Variants in CUX2 observed in about 807,000 individuals in gnomAD.
The protein encoded by CUX2 is cut like homeobox 2.
A neutral mutation model predicts 144.8 loss-of-function variants in CUX2; 40 were observed. The ratio of observed to expected loss-of-function variants is 0.28; its 90% CI spans 0.21 to 0.36. The LOEUF is 0.36. CUX2 is among the 10% of genes least tolerant of loss of function. The pLI is 1.00. For missense variants in CUX2, 1,615 were observed against 1,994.0 expected (o/e 0.81, Z 3.62); for synonymous variants, 827 against 875.6 (o/e 0.94, Z 0.98).
At chr12:111,291,276 G>T in intron 4 of CUX2, 142 bp from the exon 5 acceptor site, 1 of 1,013,400 alleles carries the variant, frequency 9.9e-7, no homozygotes. Context: ...CTCCCTCGTA[G>T]AGCAGAAAGT....
intron 3 of CUX2, among the ~76,000 whole-genome samples, chr12:111,221,986 A>G (rs1881882894): frequency 6.6e-6 from 1 of 152,224 alleles, no homozygotes; most frequent in African/African-American, 2.4e-5. Flanking sequence ...CAAAGTTTGA[A>G]TATCCTTGCG....
At chr12:111,152,156 TGCC>T (rs897310632) in intron 1 of CUX2, among the ~76,000 whole-genome samples, 5 of 152,064 alleles carry the variant, frequency 3.3e-5, no homozygotes, top group African/African-American at 9.7e-5. Context: ...TGGTAGCACA[TGCC>T]TGTAGTTCCA....
intron 1 of CUX2, among the ~76,000 whole-genome samples, chr12:111,062,919 A>G (rs1212776397): frequency 6.6e-6 from 1 of 152,092 alleles, no homozygotes; most frequent in Non-Finnish European, 1.5e-5. Flanking sequence ...GTGCAGGGTG[A>G]AGGGCAGATA....
intron 9 of CUX2, among the ~76,000 whole-genome samples, chr12:111,301,959 C>T (rs1332017980): frequency 6.6e-6 from 1 of 152,190 alleles, no homozygotes; most frequent in Admixed American, 6.5e-5. Context: ...TCCTTTAGTC[C>T]AGATCTCAGC....
At chr12:111,143,734 CG>C (rs149557668) in intron 1 of CUX2, among the ~76,000 whole-genome samples, 3,166 of 152,342 alleles carry the variant, frequency 0.021, 99 homozygotes, top group African/African-American at 0.071. Flanking sequence ...CATCAATGTG[CG>C]TCCCTGTGCT....
intron 1 of CUX2, among the ~76,000 whole-genome samples, chr12:111,128,910 TTC>T (rs2136106673): frequency 6.6e-6 from 1 of 152,332 alleles, no homozygotes; most frequent in African/African-American, 2.4e-5. Flanking sequence ...TTGCAGAGCC[TTC>T]TCCTGTTCTG....
intron 18 of CUX2, among the ~76,000 whole-genome samples, chr12:111,324,469 G>A (rs1164858996): frequency 6.6e-6 from 1 of 151,818 alleles, no homozygotes; most frequent in African/African-American, 2.4e-5. Flanking sequence ...ACTTTGCTCT[G>A]CTCCTTTCCT....
rs1883779005 is a variant in CUX2, at chr12:111,255,622, C to T, written c.223-8139C>T. On this transcript the variant is annotated intron_variant, in intron 3 of 21. Transcript: ENST00000261726. This position sits in a 1 kb window ranked among gnomAD's most constrained non-coding sequence, Gnocchi z 4.1. ...GTCAGACTAAGCTGCCTCTGAGTCT[C>T]AGCTCCCAGCACCATGTGGCCATCA... 6.6e-6 allele frequency among the ~76,000 whole-genome samples: 1 copy of T among 152,210 alleles called. No individual in the cohort carries two copies. The highest frequency in any genetic ancestry group is 2.4e-5 in the African/African-American group (1 of 41,450).
intron 1 of CUX2, among the ~76,000 whole-genome samples, chr12:111,079,632 C>A (rs894986034): frequency 1.3e-5 from 2 of 152,206 alleles, no homozygotes; most frequent in Admixed American, 1.3e-4. Context: ...TCTCATTCCC[C>A]CATGCTCTGC....
Position 111,121,719 on chromosome 12 carries a change from C to T in CUX2, c.63+87479C>T, listed in dbSNP as rs147984311. 1.6e-3 allele frequency among the ~76,000 whole-genome samples: 246 copies of T among 152,022 alleles called. 1 individual carries two copies. The highest frequency in any genetic ancestry group is 4.8e-3 in the South Asian group (23 of 4,818). On this transcript the variant is annotated intron_variant, in intron 1 of 21. Transcript: ENST00000261726. Reference sequence around the variant, plus strand: ...CCAGTAATTGGACTTTTAAGAAAAACAGGATTTTAAGATAATTTTTCCCCC... The same window carrying T: ...CCAGTAATTGGACTTTTAAGAAAAATAGGATTTTAAGATAATTTTTCCCCC...
chr12:111,321,170 A>G (rs946611446), intron 17 of CUX2, among the ~76,000 whole-genome samples: 2 of 151,948 alleles, frequency 1.3e-5, no homozygotes, highest in African/African-American at 2.4e-5. Context: ...CGTCTCTACT[A>G]AAAAATACAA....
chr12:111,123,297 C>T (rs1377567555), intron 1 of CUX2, among the ~76,000 whole-genome samples: 1 of 152,196 alleles, frequency 6.6e-6, no homozygotes, highest in African/African-American at 2.4e-5. Context: ...ATTTTCGTGC[C>T]TCAGCCTCCC....
At chr12:111,282,625 TAA>T (rs3061123) in intron 4 of CUX2, among the ~76,000 whole-genome samples, 31,424 of 104,494 alleles carry the variant, frequency 0.3, 4,749 homozygotes, top group East Asian at 0.62. Flanking sequence ...AAACTCCATC[TAA>T]AAAAAAAAAA....
At chr12:111,198,763 AG>A (rs1188750015) in intron 1 of CUX2, among the ~76,000 whole-genome samples, 2 of 152,222 alleles carry the variant, frequency 1.3e-5, no homozygotes, top group Non-Finnish European at 2.9e-5. Context: ...GAGGGATTGC[AG>A]GCTGCAGGTA....
chr12:111,114,786 G>T (rs1323365917), intron 1 of CUX2, among the ~76,000 whole-genome samples: 1 of 152,192 alleles, frequency 6.6e-6, no homozygotes, highest in Non-Finnish European at 1.5e-5. Flanking sequence ...AAGTGCTGTT[G>T]CTTTAGCATT....
At chr12:111,080,330 A>G (rs1293241903) in intron 1 of CUX2, among the ~76,000 whole-genome samples, 1 of 152,064 alleles carries the variant, frequency 6.6e-6, no homozygotes, top group Non-Finnish European at 1.5e-5. Context: ...ATGATTGAAC[A>G]TTTATATTTC....
chr12:111,119,704 A>T (rs565335921), intron 1 of CUX2, among the ~76,000 whole-genome samples: 1 of 152,350 alleles, frequency 6.6e-6, no homozygotes, highest in Admixed American at 6.5e-5. Flanking sequence ...GGTCTCATGT[A>T]ACAACAAAAA....
intron 1 of CUX2, among the ~76,000 whole-genome samples, chr12:111,043,103 A>G (rs561544453): frequency 2.8e-4 from 42 of 152,368 alleles, no homozygotes; most frequent in African/African-American, 8.7e-4. Flanking sequence ...AAACAAATAC[A>G]ATAACTAATA....
At chr12:111,126,110 C>CTT (rs869221391) in intron 1 of CUX2, among the ~76,000 whole-genome samples, 4 of 131,652 alleles carry the variant, frequency 3.0e-5, no homozygotes, top group Non-Finnish European at 3.3e-5. Flanking sequence ...GTCCCGAGGT[C>CTT]TTTTTTTTTT....
Sources: gnomAD v4.1 joint callset for allele counts (sites outside exome capture counted in the v4.1 genomes callset) on GRCh38, gnomAD v4.1.1 for gene constraint, Gnocchi (gnomAD v3.1) non-coding constraint, MANE v1.5 for transcripts, NCBI Gene and HGNC (gene_info 2026-07-23, HGNC 2026-07-21) for gene names.